Variants in ASB3 observed in about 807,000 individuals in gnomAD.
The protein encoded by ASB3 is ankyrin repeat and SOCS box containing 3.
In ASB3, 41 loss-of-function variants were observed where a neutral mutation model predicts 54.5. That is an observed-to-expected ratio of 0.75 (90% confidence interval 0.59 to 0.98). ASB3 has a LOEUF of 0.98. Ranked by LOEUF, ASB3 falls within the 50% of genes least tolerant of loss-of-function variation. The probability of loss-of-function intolerance (pLI) is 0.00; values close to 1 mark genes in which losing one functional copy is unlikely to be tolerated. For missense variants in ASB3, 733 were observed against 620.0 expected, an observed-to-expected ratio of 1.18 and a Z score of -1.94; for synonymous variants, 266 against 221.2, an observed-to-expected ratio of 1.20 and a Z score of -1.80.
intron 9 of ASB3, among the ~76,000 whole-genome samples, chr2:53,681,952 G>A (rs1393983752): frequency 1.3e-5 from 2 of 152,030 alleles, no homozygotes; most frequent in Non-Finnish European, 2.9e-5. Flanking sequence ...AAAGTCAGGA[G>A]TTCGAGACCA....
intron 1 of ASB3, among the ~76,000 whole-genome samples, chr2:53,769,542 T>C (rs1455445111): frequency 6.6e-6 from 1 of 152,224 alleles, no homozygotes; most frequent in Non-Finnish European, 1.5e-5. Flanking sequence ...CAGTCCGTGA[T>C]TCTTTAAAAG....
At chr2:53,725,866 C>T (rs933670837) in intron 5 of ASB3, among the ~76,000 whole-genome samples, 1 of 152,038 alleles carries the variant, frequency 6.6e-6, no homozygotes, top group Admixed American at 6.6e-5. Context: ...ATGTTTCACC[C>T]ACTGTCAGTT....
Position 53,716,404 on chromosome 2 carries a change from G to C in ASB3, c.782+162C>G, listed in dbSNP as rs536637545. ...AAGTGCAGGAATAGTAGGAGCAAAA[G>C]ACAGCATGAAGGACAGATTAGGGGT... On this transcript the variant is annotated intron_variant, in intron 6 of 9. Transcript: ENST00000263634. Among the ~76,000 whole-genome samples the C allele has an allele frequency of 2.6e-5, 4 of 152,284 alleles. No individual in the cohort carries two copies. The South Asian group carries it at 8.3e-4, about 32-fold the overall frequency.
chr2:53,768,274 C>T (rs112996113), intron 1 of ASB3: 2 of 433,556 alleles, frequency 4.6e-6, no homozygotes, highest in Non-Finnish European at 4.1e-6. Context: ...CGGGCACAGG[C>T]GCACGAGCTC....
intron 9 of ASB3, among the ~76,000 whole-genome samples, chr2:53,671,214 TTC>T (rs1667792852): frequency 6.6e-6 from 1 of 152,184 alleles, no homozygotes; most frequent in African/African-American, 2.4e-5. Flanking sequence ...TTCACTCAAA[TTC>T]TCTTTTTATC....
Position 53,720,655 on chromosome 2 carries a change from G to A in ASB3, c.605-3912C>T, listed in dbSNP as rs530787264. Among the ~76,000 whole-genome samples the A allele has an allele frequency of 4.6e-5, 7 of 152,274 alleles. No homozygotes were observed. In the South Asian group the frequency reaches 1.4e-3, roughly 32 times the overall value. ...ATGTTGGGAGATGTCAAATCCCATT[G>A]ACAGCATTAGACAGATCACTGAGGC... On this transcript the variant is annotated intron_variant, in intron 5 of 9. Transcript: ENST00000263634.
chr2:53,724,327 C>T (rs1670871276), intron 5 of ASB3, among the ~76,000 whole-genome samples: 1 of 152,190 alleles, frequency 6.6e-6, no homozygotes, highest in African/African-American at 2.4e-5. Context: ...GGACTGGGCA[C>T]ATTGGCTCAC....
Position 53,712,539 on chromosome 2 carries a change from G to A in ASB3, c.980+1845C>T, listed in dbSNP as rs115721419. On this transcript the variant is annotated intron_variant, in intron 7 of 9. Transcript: ENST00000263634. ...ATTTCATTTATCCGAATCTACAGAA[G>A]GCATGAAACATACTGCCCAGCTCCC... Among the ~76,000 whole-genome samples the A allele has an allele frequency of 7.9e-3, 1,202 of 152,212 alleles. 16 individuals carry two copies. The highest frequency in any genetic ancestry group is 0.027 in the African/African-American group (1,129 of 41,534).
chr2:53,701,688 T>C (rs1669504038), intron 7 of ASB3, among the ~76,000 whole-genome samples: 1 of 152,218 alleles, frequency 6.6e-6, no homozygotes, highest in Admixed American at 6.5e-5. Context: ...AATGTATTTT[T>C]AAACAATGTG....
intron 1 of ASB3, 140 bp downstream of exon 1, chr2:53,786,681 C>G (rs1381073738): frequency 1.3e-5 from 2 of 153,478 alleles, no homozygotes; most frequent in Non-Finnish European, 2.9e-5. Flanking sequence ...TTCGAATTTT[C>G]TCATCTAAGG....
At chr2:53,744,244 C>T (rs1169727727) in intron 3 of ASB3, among the ~76,000 whole-genome samples, 1 of 150,914 alleles carries the variant, frequency 6.6e-6, no homozygotes, top group African/African-American at 2.4e-5. Flanking sequence ...ATTAGCCAGG[C>T]GTGGTCACAG....
chr2:53,739,171 T>C (rs1292980637), intron 3 of ASB3, among the ~76,000 whole-genome samples: 1 of 152,134 alleles, frequency 6.6e-6, no homozygotes, highest in Non-Finnish European at 1.5e-5. Flanking sequence ...AGAGGAAAAA[T>C]GAAGCAATCT....
At chr2:53,755,589 T>C (rs1369947751) in intron 2 of ASB3, among the ~76,000 whole-genome samples, 2 of 149,444 alleles carry the variant, frequency 1.3e-5, no homozygotes, top group Non-Finnish European at 3.0e-5. Flanking sequence ...TTATATCATC[T>C]TACTATGTTT....
At chr2:53,734,422 G>C (rs1210404271) in intron 3 of ASB3, among the ~76,000 whole-genome samples, 1 of 152,110 alleles carries the variant, frequency 6.6e-6, no homozygotes, top group Non-Finnish European at 1.5e-5. Context: ...TACCCCCAAA[G>C]ACTACTCTTC....
At chr2:53,746,043 T>C (rs1182086588) in intron 3 of ASB3, among the ~76,000 whole-genome samples, 1 of 152,214 alleles carries the variant, frequency 6.6e-6, no homozygotes, top group Non-Finnish European at 1.5e-5. Flanking sequence ...CTCATGCCTG[T>C]AATCCTAGCA....
chr2:53,731,933 G>T (rs769086309), intron 3 of ASB3, among the ~76,000 whole-genome samples: 1 of 150,358 alleles, frequency 6.7e-6, no homozygotes, highest in Non-Finnish European at 1.5e-5. Context: ...GATTACAGGC[G>T]TGAGCCATCA....
At chr2:53,731,701 G>A (rs1487419689) in intron 3 of ASB3, among the ~76,000 whole-genome samples, 1 of 152,146 alleles carries the variant, frequency 6.6e-6, no homozygotes, top group East Asian at 1.9e-4. Flanking sequence ...CGCCCAGGCT[G>A]GAATGCAATG....
intron 7 of ASB3, among the ~76,000 whole-genome samples, chr2:53,702,469 T>C (rs946353990): frequency 6.6e-6 from 1 of 152,206 alleles, no homozygotes; most frequent in Non-Finnish European, 1.5e-5. Context: ...TAAATTAGTA[T>C]GTATTTCTCT....
At chr2:53,769,701 C>G (rs1673757230) in intron 1 of ASB3, among the ~76,000 whole-genome samples, 2 of 152,210 alleles carry the variant, frequency 1.3e-5, no homozygotes, top group African/African-American at 4.8e-5. Context: ...ACAAAATTAG[C>G]TGGGCGTGGT....
Sources: allele counts gnomAD v4.1 joint callset (sites outside exome capture counted in the v4.1 genomes callset), GRCh38; gene constraint gnomAD v4.1.1; transcripts MANE v1.5; gene names NCBI Gene and HGNC (gene_info 2026-07-23, HGNC 2026-07-21).